Variants in SBNO1 observed in about 807,000 individuals in gnomAD.
The protein encoded by SBNO1 is strawberry notch homolog 1.
In SBNO1, 23 loss-of-function variants were observed where a neutral mutation model predicts 173.6. That is an observed-to-expected ratio of 0.13 (90% CI 0.10 to 0.19). The LOEUF (loss-of-function observed/expected upper bound fraction) is 0.19. SBNO1 is among the 10% of genes least tolerant of loss of function. The probability of loss-of-function intolerance (pLI) is 1.00; values close to 1 mark genes in which losing one functional copy is unlikely to be tolerated. For synonymous variants in SBNO1, 632 were observed against 571.5 expected (o/e 1.11, Z -1.51); for missense variants, 1,238 against 1,671.2 (o/e 0.74, Z 4.52).
At chr12:123,298,534 C>A (rs545105677) in intron 30 of SBNO1, among the ~76,000 whole-genome samples, 1 of 152,174 alleles carries the variant, frequency 6.6e-6, no homozygotes, top group Non-Finnish European at 1.5e-5. Context: ...GGATTACAGG[C>A]GTGAGCCACC....
At chr12:123,314,454 C>G (rs1381121004) in intron 23 of SBNO1, among the ~76,000 whole-genome samples, 10 of 151,996 alleles carry the variant, frequency 6.6e-5, no homozygotes, top group Admixed American at 6.6e-4. Flanking sequence ...CTCAGCCTCC[C>G]AAGTAGCTAG....
At chr12:123,303,729 T>C (rs2048848591) in intron 29 of SBNO1, among the ~76,000 whole-genome samples, 1 of 151,868 alleles carries the variant, frequency 6.6e-6, no homozygotes, top group African/African-American at 2.4e-5. Flanking sequence ...GTGCGGTGGC[T>C]GACACCTGTT....
intron 23 of SBNO1, among the ~76,000 whole-genome samples, chr12:123,314,338 T>C (rs2138940516): frequency 6.6e-6 from 1 of 150,768 alleles, no homozygotes. Context: ...AACTAAATTT[T>C]TTTTTTCTTT....
intron 9 of SBNO1, among the ~76,000 whole-genome samples, chr12:123,329,568 G>A (rs1378958259): frequency 6.6e-6 from 1 of 151,820 alleles, no homozygotes; most frequent in African/African-American, 2.4e-5. Context: ...AATTGTTAAT[G>A]TGCCTTTCTA....
chr12:123,350,529 CTA>C (rs1873749027), intron 1 of SBNO1, 88 bp from the exon 2 acceptor site: 1 of 1,022,332 alleles, frequency 9.8e-7, no homozygotes, highest in African/African-American at 1.6e-5. Context: ...CCAACAATCT[CTA>C]TTAGACCCAT....
intron 1 of SBNO1, among the ~76,000 whole-genome samples, chr12:123,363,408 AGTG>A (rs1292544908): frequency 1.3e-5 from 2 of 152,164 alleles, no homozygotes; most frequent in East Asian, 3.8e-4. Flanking sequence ...ATTATCTGAA[AGTG>A]TTAAGTCAAT....
At chr12:123,358,685 G>C (rs1306619464) in intron 1 of SBNO1, among the ~76,000 whole-genome samples, 1 of 128,076 alleles carries the variant, frequency 7.8e-6, no homozygotes, top group East Asian at 2.6e-4. Flanking sequence ...AGAGCTTGCA[G>C]TGAGCCAAGA....
At chr12:123,336,714 G>GACAACTCT (rs1487362014) in intron 5 of SBNO1, among the ~76,000 whole-genome samples, 1 of 152,062 alleles carries the variant, frequency 6.6e-6, no homozygotes, top group Non-Finnish European at 1.5e-5. Context: ...CCCACAAATG[G>GACAACTCT]GTCACAAGAC....
chr12:123,338,917 C>A (rs1213270299), intron 5 of SBNO1, among the ~76,000 whole-genome samples: 3 of 13,202 alleles, frequency 2.3e-4, no homozygotes, highest in African/African-American at 3.4e-4. Context: ...CACACGCCCC[C>A]CCCCCCCTCC....
chr12:123,323,041 T>G (rs1870185686), intron 16 of SBNO1, among the ~76,000 whole-genome samples: 1 of 152,198 alleles, frequency 6.6e-6, no homozygotes, highest in Non-Finnish European at 1.5e-5. Flanking sequence ...AACTCTTTAA[T>G]CTTTAAATCT....
At chr12:123,352,340 T>G (rs578057780) in intron 1 of SBNO1, among the ~76,000 whole-genome samples, 1 of 152,240 alleles carries the variant, frequency 6.6e-6, no homozygotes, top group Non-Finnish European at 1.5e-5. Flanking sequence ...CTACGCAGTT[T>G]CGCTCTTGTT....
chr12:123,332,768 C>G (rs1032899099), intron 7 of SBNO1, among the ~76,000 whole-genome samples: 1 of 149,208 alleles, frequency 6.7e-6, no homozygotes, highest in African/African-American at 2.5e-5. Flanking sequence ...GGTTTCACCA[C>G]GTTGGCCAGG....
At chr12:123,336,720 A>G (rs1190855607) in intron 5 of SBNO1, among the ~76,000 whole-genome samples, 1 of 152,182 alleles carries the variant, frequency 6.6e-6, no homozygotes, top group Non-Finnish European at 1.5e-5. Flanking sequence ...AATGGGTCAC[A>G]AGACTCCACG....
chr12:123,316,944 C>T (rs533312704), intron 21 of SBNO1, among the ~76,000 whole-genome samples: 1 of 152,094 alleles, frequency 6.6e-6, no homozygotes, highest in East Asian at 1.9e-4. Flanking sequence ...TCAAGTGATG[C>T]ACCCACCTCA....
chr12:123,350,214 A>G (rs933595856), intron 2 of SBNO1, 96 bp downstream of exon 2: 1 of 1,400,800 alleles, frequency 7.1e-7, no homozygotes, highest in African/African-American at 1.4e-5. Flanking sequence ...TGACTGCACC[A>G]CTGCACCCCA....
intron 1 of SBNO1, chr12:123,364,263 G>T (rs935327086): frequency 1.6e-5 from 16 of 985,590 alleles, no homozygotes; most frequent in Non-Finnish European, 1.9e-5. Context: ...GCTGGGGCAC[G>T]AAAGAGGACT....
At chr12:123,303,508 G>A (rs918882739) in intron 29 of SBNO1, among the ~76,000 whole-genome samples, 3 of 151,800 alleles carry the variant, frequency 2.0e-5, no homozygotes, top group African/African-American at 7.2e-5. Context: ...AAACTAGCCA[G>A]GTGTGTGGCA....
intron 1 of SBNO1, chr12:123,363,826 C>G (rs1031488448): frequency 1.0e-6 from 1 of 981,016 alleles, no homozygotes; most frequent in East Asian, 1.1e-4. Flanking sequence ...CAAACAGAAG[C>G]ACAAAGCAGG....
intron 30 of SBNO1, among the ~76,000 whole-genome samples, chr12:123,300,821 A>G (rs1411656104): frequency 1.3e-5 from 2 of 148,842 alleles, no homozygotes; most frequent in African/African-American, 5.0e-5. Flanking sequence ...TTAGCTGCGC[A>G]TGGTGGCAGG....
Sources: gnomAD v4.1 joint callset for allele counts (sites outside exome capture counted in the v4.1 genomes callset) on GRCh38, gnomAD v4.1.1 for gene constraint, MANE v1.5 for transcripts, NCBI Gene and HGNC (gene_info 2026-07-23, HGNC 2026-07-21) for gene names.